The following NLRC3 variants were observed in gnomAD, a reference collection of about 807,000 sequenced individuals.
The protein encoded by NLRC3 is NLR family CARD domain-containing protein 3.
NLRC3 carries 87 observed loss-of-function variants against 91.6 expected under a neutral mutation model. The ratio of observed to expected loss-of-function variants is 0.95; its 90% confidence interval spans 0.80 to 1.14. The LOEUF is 1.14. Ranked by LOEUF, NLRC3 falls within the 50% of genes most tolerant of loss-of-function variation. NLRC3 has a pLI of 0.00. For synonymous variants in NLRC3, 694 were observed against 625.3 expected, an observed-to-expected ratio of 1.11 and a Z score of -1.64; for missense variants, 1,577 against 1,418.6, an observed-to-expected ratio of 1.11 and a Z score of -1.79.
chr16:3,566,198 A>C (rs1302471334), intron 2 of NLRC3, among the ~76,000 whole-genome samples: 1 of 151,178 alleles, frequency 6.6e-6, no homozygotes, highest in African/African-American at 2.4e-5. Context: ...ACTGATTATA[A>C]TCAATGGACC....
In NLRC3 at chr16:3,577,130, T is replaced by A. The variant is rs2040336430; in HGVS notation, c.-169+19A>T. 1 of 703,018 alleles carries A rather than the reference T, an allele frequency of 1.4e-6. No homozygotes were observed. The allele number at this position is 703,018 out of a possible 1,614,324, so 43.5% of individuals were successfully genotyped here. A position where few individuals can be genotyped will look rare whatever the true frequency, so the allele number is the denominator to read the frequency against. On this transcript the variant is annotated intron_variant, in intron 1 of 19. Coordinates refer to ENST00000359128, the MANE Select transcript of NLRC3 (RefSeq NM_178844.4). ...CTCCCTCCCCTGCCCTGCACTGAGG[T>A]CACCTGGACCCAACTTACCTCCCGG...
Position 3,540,933 on chromosome 16 carries a change from G to C in NLRC3, c.*892C>G, listed in dbSNP as rs1006728215. On this transcript the variant is annotated 3_prime_UTR_variant, in exon 20 of 20. Transcript: ENST00000359128. The stretch of plus-strand genomic sequence containing the variant: ...ATAAATAAAAAATGGGGCCAGGTGT[G>C]GTGGCTCATGCCTGTAATCCCAGTA... 1 of 152,050 alleles carries C rather than the reference G, an allele frequency of 6.6e-6. No homozygotes were observed. The highest frequency in any genetic ancestry group is 2.4e-5 in the African/African-American group (1 of 41,392). The allele number at this position is 152,050 out of a possible 1,614,324, so 9.4% of individuals were successfully genotyped here. A position where few individuals can be genotyped will look rare whatever the true frequency, so the allele number is the denominator to read the frequency against.
At chr16:3,554,882 A>T (rs2039219605) in intron 8 of NLRC3, among the ~76,000 whole-genome samples, 1 of 152,242 alleles carries the variant, frequency 6.6e-6, no homozygotes, top group African/African-American at 2.4e-5. Flanking sequence ...CATTAGGTGA[A>T]TGGATCAACA....
At chr16:3,573,333 T>C (rs942970351) in intron 1 of NLRC3, among the ~76,000 whole-genome samples, 3 of 151,578 alleles carry the variant, frequency 2.0e-5, no homozygotes, top group African/African-American at 7.3e-5. Flanking sequence ...GAAGCTGAGG[T>C]GGGAGGATCG....
At chr16:3,552,790 A>C (rs1348294645) in intron 9 of NLRC3, among the ~76,000 whole-genome samples, 2 of 152,196 alleles carry the variant, frequency 1.3e-5, no homozygotes, top group African/African-American at 4.8e-5. Context: ...AAATAAAAAA[A>C]TTAGCGGGGC....
Position 3,564,722 on chromosome 16 carries a change from C to T in NLRC3, c.215G>A (p.Ser72Asn). ...CAGCTCCGGGCCACCTCCCACCTTG[C>T]TCAGCAGGGCCTTGCGGTGCCTCTG... is the stretch of plus-strand genomic sequence containing the variant. ...RIQRHRKALL[S>N]KVGGGPELGG... The change falls in exon 5 of 20, where the codon AGC (serine) becomes AAC (asparagine). Residue 72 changes from serine (S) to asparagine (N), a missense_variant. Ser to Asn is a conservative substitution (Grantham distance 46, BLOSUM62 1). Coordinates refer to ENST00000359128, the MANE Select transcript of NLRC3 (RefSeq NM_178844.4). The surrounding 1 kb of genome is among the most constrained non-coding windows in gnomAD (Gnocchi z 5.9). 6.3e-7 allele frequency: 1 copy of T among 1,593,630 alleles called. No individual in the cohort carries two copies. The highest frequency in any genetic ancestry group is 8.5e-7 in the Non-Finnish European group (1 of 1,175,780).
At position 3,567,246 on chromosome 16, in the gene NLRC3, G is replaced by A; in HGVS notation, c.-90C>T. On this transcript the variant is annotated 5_prime_UTR_variant, in exon 2 of 20. Coordinates refer to ENST00000359128, the MANE Select transcript of NLRC3 (RefSeq NM_178844.4). The stretch of plus-strand genomic sequence containing the variant: ...CCCACCCTGCTCGCCTCCTCACCGT[G>A]CACCCTGGCCACAGCAGCCCCTCCA... 1 of 152,032 alleles carries A rather than the reference G, an allele frequency of 6.6e-6. No individual in the cohort carries two copies. The highest frequency in any genetic ancestry group is 1.5e-5 in the Non-Finnish European group (1 of 68,188). The allele number at this position is 152,032 out of a possible 1,614,324, so 9.4% of individuals were successfully genotyped here.
rs1022855201 is a variant in NLRC3 at position 3,557,522 on chromosome 16, G to A, written c.2099+71C>T. ...CCAAGTCATTTCCTAGGAGGGAGGG[G>A]ACTTCACAAGATGCCTCACAACTCT... On this transcript the variant is annotated intron_variant, in intron 7 of 19. Transcript: ENST00000359128. 24 of 867,380 alleles carry A rather than the reference G, an allele frequency of 2.8e-5. No individual in the cohort carries two copies. In the African/African-American group the frequency reaches 3.8e-4, roughly 14 times the overall value. 53.7% of individuals were successfully genotyped at this position (867,380 alleles called of 1,614,324 possible).
At chr16:3,552,624 A>G (rs1308350874) in intron 9 of NLRC3, among the ~76,000 whole-genome samples, 1 of 152,154 alleles carries the variant, frequency 6.6e-6, no homozygotes, top group African/African-American at 2.4e-5. Flanking sequence ...CATCTAGACC[A>G]GCAGGCTGCC....
chr16:3,543,442 T>G lies in NLRC3; in HGVS notation c.2922A>C (p.Arg974Ser). Residue 974 changes from arginine (R) to serine (S), a missense_variant, in exon 17 of 20, where the codon AGA becomes AGC. Arg to Ser is a moderately radical substitution (Grantham distance 110). Transcript: ENST00000359128. ...ATACTTACTCGAGAATCTCCAAGGTTCTGTTCACAGCCAAGGCTTCCCCTA... is the reference window on the plus strand; with the variant it reads ...ATACTTACTCGAGAATCTCCAAGGTGCTGTTCACAGCCAAGGCTTCCCCTA... Reference protein sequence around the residue: ...QVLGEALAVNRTLEILDLRGN... With the variant: ...QVLGEALAVNSTLEILDLRGN... 6.2e-7 allele frequency: 1 copy of G among 1,612,292 alleles called. No individual in the cohort carries two copies. The highest frequency in any genetic ancestry group is 8.5e-7 in the Non-Finnish European group (1 of 1,178,836).
chr16:3,542,325 A>C, intron 18 of NLRC3, 51 bp from the exon 19 acceptor site: 1 of 1,160,390 alleles, frequency 8.6e-7, no homozygotes, highest in Non-Finnish European at 1.3e-6. Flanking sequence ...GGCAGAAGGA[A>C]AACACCCGGG....
chr16:3,548,287 G>A (rs2151084698), intron 14 of NLRC3, 69 bp from the exon 15 acceptor site: 1 of 1,216,856 alleles, frequency 8.2e-7, no homozygotes, highest in Non-Finnish European at 1.2e-6. Context: ...GAGCCAAGGA[G>A]GCTCTGATGG....
chr16:3,561,628 A>T, intron 6 of NLRC3, 74 bp downstream of exon 6: 2 of 1,026,098 alleles, frequency 1.9e-6, no homozygotes, highest in Non-Finnish European at 3.1e-6. Flanking sequence ...CCAGCTGAGC[A>T]GAGGATGATG....
intron 1 of NLRC3, among the ~76,000 whole-genome samples, chr16:3,572,657 C>T (rs2040139567): frequency 6.6e-6 from 1 of 152,104 alleles, no homozygotes; most frequent in African/African-American, 2.4e-5. Context: ...TTATAATAAC[C>T]ATTATCTGTT....
chr16:3,539,363 T>G lies in NLRC3; in HGVS notation c.*2462A>C, dbSNP rs2038311339. ...ATGAATTAAATTCTCTTGTCTGTTT[T>G]GCTCTGATGGGGTCTGTGTGGGCTA... On this transcript the variant is annotated 3_prime_UTR_variant, in exon 20 of 20. Coordinates refer to ENST00000359128, the MANE Select transcript of NLRC3 (RefSeq NM_178844.4). 1 of 152,342 alleles carries G rather than the reference T, an allele frequency of 6.6e-6. No homozygotes were observed. Among genetic ancestry groups the G allele is most frequent in the South Asian group, 2.1e-4 (1 of 4,832 alleles). 9.4% of individuals were successfully genotyped at this position (152,342 alleles called of 1,614,324 possible). A position where few individuals can be genotyped will look rare whatever the true frequency, so the allele number is the denominator to read the frequency against.
intron 7 of NLRC3, 110 bp downstream of exon 7, chr16:3,557,483 C>T (rs562436412): frequency 3.1e-6 from 2 of 654,306 alleles, no homozygotes; most frequent in South Asian, 1.8e-5. Context: ...CAGGGAAGAA[C>T]AGACAGGTAA....
intron 6 of NLRC3, among the ~76,000 whole-genome samples, chr16:3,559,009 C>T (rs5018019): frequency 0.025 from 3,781 of 152,262 alleles, 147 homozygotes; most frequent in African/African-American, 0.08. Flanking sequence ...TGGGCTCAAA[C>T]GATCCTCCTG....
chr16:3,576,208 G>T (rs191027064), intron 1 of NLRC3, among the ~76,000 whole-genome samples: 1 of 152,194 alleles, frequency 6.6e-6, no homozygotes, highest in Admixed American at 6.5e-5. Flanking sequence ...CTGGAGCCTG[G>T]CCATAGGGGA....
In NLRC3 at chr16:3,554,239, C is replaced by T. The variant is rs1318335757; in HGVS notation, c.2267+3G>A. The stretch of plus-strand genomic sequence containing the variant: ...GGGGGAGAGAGGAGATGTGTTCACT[C>T]ACTGCAGCATGGAGAGGGTCCGGTT... On this transcript the variant is annotated splice_donor_region_variant and intron_variant, in intron 9 of 19. Coordinates refer to ENST00000359128, the MANE Select transcript of NLRC3 (RefSeq NM_178844.4). 6.2e-6 allele frequency: 10 copies of T among 1,606,068 alleles called. No individual in the cohort carries two copies. The highest frequency in any genetic ancestry group is 8.5e-6 in the Non-Finnish European group (10 of 1,172,788).
Sources: allele counts gnomAD v4.1 joint callset (sites outside exome capture counted in the v4.1 genomes callset), GRCh38; gene constraint gnomAD v4.1.1; non-coding constraint Gnocchi (gnomAD v3.1); transcripts MANE v1.5; gene names NCBI Gene and HGNC (gene_info 2026-07-23, HGNC 2026-07-21).